The following SPAG17 variants were observed in gnomAD, a reference collection of about 807,000 sequenced individuals.
SPAG17 encodes sperm-associated antigen 17.
Under a neutral mutation model 273.6 loss-of-function variants are expected in SPAG17, and 169 were observed. The observed-to-expected ratio is 0.62, with a 90% confidence interval of 0.55 to 0.70. SPAG17 has a LOEUF of 0.70. SPAG17 is among the 30% of genes least tolerant of loss of function. The pLI, the probability that SPAG17 is intolerant of heterozygous loss-of-function variation, is 0.00. For synonymous variants in SPAG17, 825 were observed against 873.2 expected (o/e 0.94, Z 0.97); for missense variants, 2,557 against 2,627.8 (o/e 0.97, Z 0.59).
chr1:118,081,802 G>A (rs773006049), intron 13 of SPAG17, among the ~76,000 whole-genome samples, 160 bp from the exon 14 acceptor site: 20 of 152,064 alleles, frequency 1.3e-4, no homozygotes, highest in Non-Finnish European at 2.2e-4. Flanking sequence ...CCAGTCTGCC[G>A]CAAATATCAA....
chr1:118,154,165 C>T (rs1481161987), intron 1 of SPAG17, among the ~76,000 whole-genome samples: 1 of 152,184 alleles, frequency 6.6e-6, no homozygotes, highest in Admixed American at 6.5e-5. Flanking sequence ...TTCCAGGCCA[C>T]GTCTCCCCAT....
chr1:118,076,037 AT>A (rs1224523279), intron 15 of SPAG17, among the ~76,000 whole-genome samples: 2 of 151,848 alleles, frequency 1.3e-5, no homozygotes, highest in African/African-American at 4.8e-5. Context: ...TATTATTATT[AT>A]TTTTAACTGT....
At position 118,091,681 on chromosome 1, in the gene SPAG17, A is replaced by G. The variant is rs1181603476; in HGVS notation, c.1284T>C (p.Tyr428=). 1.2e-6 allele frequency: 2 copies of G among 1,612,058 alleles called. No individual in the cohort carries two copies. The highest frequency in any genetic ancestry group is 2.2e-5 in the East Asian group (1 of 44,826). Reference sequence around the variant, plus strand: ...GAATTGGATTCAGCAAATAATTGTAATATCTCATGTCTACTTCAGTTGTGA... The same window carrying G: ...GAATTGGATTCAGCAAATAATTGTAGTATCTCATGTCTACTTCAGTTGTGA... The part of the protein sequence containing the change: ...SVITTEVDMR[Y]YNYLLNPIRE... Residue 428 remains tyrosine (Y), a synonymous_variant, in exon 10 of 49, where the codon TAT becomes TAC. Coordinates refer to ENST00000336338, the MANE Select transcript of SPAG17 (RefSeq NM_206996.4).
At chr1:118,150,978 T>C (rs1659345286) in intron 2 of SPAG17, among the ~76,000 whole-genome samples, 1 of 152,184 alleles carries the variant, frequency 6.6e-6, no homozygotes, top group Non-Finnish European at 1.5e-5. Flanking sequence ...TCACAGAACC[T>C]AGCATGGTGC....
At chr1:117,977,906 G>A (rs190347208) in intron 43 of SPAG17, among the ~76,000 whole-genome samples, 16 of 152,182 alleles carry the variant, frequency 1.1e-4, no homozygotes, top group Admixed American at 2.6e-4. Context: ...CTTTCCTGAT[G>A]ACATCACCTG....
intron 27 of SPAG17, among the ~76,000 whole-genome samples, chr1:118,024,159 T>A (rs958279792): frequency 6.6e-6 from 1 of 152,186 alleles, no homozygotes; most frequent in Admixed American, 6.6e-5. Flanking sequence ...TAATCTGAAG[T>A]ATTTTTTTTA....
At chr1:118,151,896 A>C (rs1171720298) in intron 1 of SPAG17, among the ~76,000 whole-genome samples, 1 of 152,154 alleles carries the variant, frequency 6.6e-6, no homozygotes, top group Non-Finnish European at 1.5e-5. Flanking sequence ...TGCTAATTAC[A>C]CTCCCAAGAA....
chr1:118,175,304 A>T (rs979690961), intron 1 of SPAG17, among the ~76,000 whole-genome samples: 3 of 152,190 alleles, frequency 2.0e-5, no homozygotes, highest in Non-Finnish European at 2.9e-5. Context: ...TGCTGGGATC[A>T]CAGGCGTGAG....
intron 1 of SPAG17, among the ~76,000 whole-genome samples, chr1:118,153,527 A>C (rs1463267216): frequency 6.6e-6 from 1 of 152,180 alleles, no homozygotes; most frequent in Non-Finnish European, 1.5e-5. Context: ...TTTATCTCAA[A>C]TGTATACATG....
At chr1:118,023,954 C>G (rs1029527117) in intron 27 of SPAG17, among the ~76,000 whole-genome samples, 1 of 152,130 alleles carries the variant, frequency 6.6e-6, no homozygotes, top group Non-Finnish European at 1.5e-5. Flanking sequence ...ACAAACATGA[C>G]AAGGACCAAC....
chr1:118,036,675 A>G, intron 24 of SPAG17, 95 bp downstream of exon 24: 1 of 785,534 alleles, frequency 1.3e-6, no homozygotes, highest in Non-Finnish European at 2.1e-6. Context: ...ATTAAATCAT[A>G]ACATGTTATT....
At chr1:118,041,232 G>A (rs1649715172) in intron 21 of SPAG17, among the ~76,000 whole-genome samples, 1 of 152,102 alleles carries the variant, frequency 6.6e-6, no homozygotes, top group African/African-American at 2.4e-5. Flanking sequence ...ATTTTTTACT[G>A]AGTGTTGCTA....
At chr1:118,059,669 T>C (rs146483416) in intron 18 of SPAG17, among the ~76,000 whole-genome samples, 143 of 152,268 alleles carry the variant, frequency 9.4e-4, no homozygotes, top group African/African-American at 3.3e-3. Context: ...TGTCATTATA[T>C]AATGATGTAG....
At chr1:118,113,414 C>A (rs1656888592) in intron 4 of SPAG17, among the ~76,000 whole-genome samples, 2 of 152,054 alleles carry the variant, frequency 1.3e-5, no homozygotes, top group Admixed American at 6.6e-5. Context: ...TTCAACTGAC[C>A]TCTTAGGCAG....
chr1:117,959,623 G>C (rs1244747253), intron 48 of SPAG17: 1 of 583,052 alleles, frequency 1.7e-6, no homozygotes, highest in Non-Finnish European at 2.7e-6. Flanking sequence ...GAGATTATGG[G>C]CTGGCTCCAT....
chr1:118,151,240 T>C lies in SPAG17; in HGVS notation c.217A>G (p.Ile73Val), dbSNP rs760616275. The C allele has an allele frequency of 3.9e-5, 62 of 1,581,866 alleles. No individual in the cohort carries two copies. Among genetic ancestry groups the C allele is most frequent in the Non-Finnish European group, 5.2e-5 (60 of 1,160,850 alleles). Residue 73 changes from isoleucine (I) to valine (V), a missense_variant, in exon 2 of 49, where the codon ATT becomes GTT. Physicochemically the swap from Ile to Val is conservative, Grantham distance 29. Coordinates refer to ENST00000336338, the MANE Select transcript of SPAG17 (RefSeq NM_206996.4). ...GAAGGGACAGGTACCTGCTGGAGAATGTCTTGCCACGACACCATACTGAAG... is the reference window on the plus strand; with the variant it reads ...GAAGGGACAGGTACCTGCTGGAGAACGTCTTGCCACGACACCATACTGAAG... ...KLFSMVSWQD[I>V]LQQINEINTL... is the part of the protein sequence containing the mutation.
chr1:118,116,930 A>G (rs1285624170), intron 3 of SPAG17, among the ~76,000 whole-genome samples: 1 of 152,166 alleles, frequency 6.6e-6, no homozygotes, highest in Non-Finnish European at 1.5e-5. Context: ...GGGAGCAGAA[A>G]AACATAGCAG....
chr1:117,968,053 T>C (rs1557845091), intron 46 of SPAG17, among the ~76,000 whole-genome samples: 3 of 152,200 alleles, frequency 2.0e-5, no homozygotes, highest in Non-Finnish European at 4.4e-5. Flanking sequence ...GGAGCAGGGC[T>C]GGGTAATGAT....
intron 1 of SPAG17, among the ~76,000 whole-genome samples, chr1:118,155,536 T>C (rs1413353821): frequency 2.0e-5 from 3 of 152,274 alleles, no homozygotes; most frequent in African/African-American, 4.8e-5. Context: ...TTTGCTAGTA[T>C]GATAGGGCGC....
Sources: gnomAD v4.1 joint callset for allele counts (sites outside exome capture counted in the v4.1 genomes callset) on GRCh38, gnomAD v4.1.1 for gene constraint, MANE v1.5 for transcripts, NCBI Gene and HGNC (gene_info 2026-07-23, HGNC 2026-07-21) for gene names.